ARFGEF3: variants seen among roughly 807,000 people sequenced by gnomAD.
ARFGEF3 encodes ARFGEF family member 3.
ARFGEF3 carries 96 observed loss-of-function variants against 221.7 expected under a neutral mutation model. That is an observed-to-expected ratio of 0.43 (90% confidence interval 0.37 to 0.51). The LOEUF is 0.51. Among genes scored for constraint, ARFGEF3 ranks in the 20% least tolerant of loss-of-function variants. The pLI, the probability that ARFGEF3 is intolerant of heterozygous loss-of-function variation, is 0.00. For missense variants in ARFGEF3, 2,410 were observed against 2,789.9 expected (o/e 0.86, Z 3.07); for synonymous variants, 1,145 against 1,126.8 (o/e 1.02, Z -0.32).
intron 2 of ARFGEF3, among the ~76,000 whole-genome samples, chr6:138,190,518 T>C (rs997238203): frequency 6.6e-6 from 1 of 152,210 alleles, no homozygotes; most frequent in Non-Finnish European, 1.5e-5. Context: ...TGCCATGTAT[T>C]TAAACTAGTC....
At chr6:138,209,488 C>G (rs1254333111) in intron 3 of ARFGEF3, among the ~76,000 whole-genome samples, 1 of 152,210 alleles carries the variant, frequency 6.6e-6, no homozygotes, top group Non-Finnish European at 1.5e-5. Flanking sequence ...CTTGCTCTGT[C>G]TCCCAGGCTG....
In ARFGEF3 at chr6:138,292,018, CA is replaced by C; in HGVS notation, c.3335del (p.Lys1112ArgfsTer21). The C allele has an allele frequency of 6.6e-7, 1 of 1,514,002 alleles. No homozygotes were observed. Among genetic ancestry groups the C allele is most frequent in the African/African-American group, 1.4e-5 (1 of 70,960 alleles). The allele number at this position is 1,514,002 out of a possible 1,614,324, so 93.8% of individuals were successfully genotyped here. ...GSLMSGSSAA[K>X]VVLTLSTQAD... Reference sequence around the variant, plus strand: ...GCCTCATGAGCGGGAGCAGCGCGGCCAAGGTGGTGCTCACCCTCTCCACGCA... The same window carrying C: ...GCCTCATGAGCGGGAGCAGCGCGGCCAGGTGGTGCTCACCCTCTCCACGCA... On this transcript the variant is annotated frameshift_variant, in exon 19 of 34. Coordinates refer to ENST00000251691, the MANE Select transcript of ARFGEF3 (RefSeq NM_020340.5). LOFTEE classifies it high-confidence loss of function.
rs1780019290 is a variant in ARFGEF3 at position 138,321,099 on chromosome 6, T to C, written c.4652-12T>C. 1 of 1,492,520 alleles carries C rather than the reference T, an allele frequency of 6.7e-7. No homozygotes were observed. 92.5% of individuals were successfully genotyped at this position (1,492,520 alleles called of 1,614,324 possible). A position where few individuals can be genotyped will look rare whatever the true frequency, so the allele number is the denominator to read the frequency against. On this transcript the variant is annotated splice_polypyrimidine_tract_variant and intron_variant, in intron 28 of 33. Transcript: ENST00000251691. Reference sequence around the variant, plus strand: ...GAGCTGTGTGAAACTGTGATTTTGCTGTTTCCCATAGATATCAGGTACGAG... The same window carrying C: ...GAGCTGTGTGAAACTGTGATTTTGCCGTTTCCCATAGATATCAGGTACGAG...
chr6:138,206,985 C>T (rs2114493479), intron 2 of ARFGEF3, 57 bp from the exon 3 acceptor site: 1 of 1,415,508 alleles, frequency 7.1e-7, no homozygotes, highest in Admixed American at 1.9e-5. Flanking sequence ...AGGCTTACAT[C>T]ACTTGACTGC....
chr6:138,212,586 T>C (rs1777751125), intron 4 of ARFGEF3, among the ~76,000 whole-genome samples: 1 of 152,222 alleles, frequency 6.6e-6, no homozygotes, highest in African/African-American at 2.4e-5. Flanking sequence ...CATATGTTTA[T>C]TGCGGCACTA....
At chr6:138,248,561 G>A (rs953530069) in intron 8 of ARFGEF3, among the ~76,000 whole-genome samples, 3 of 152,178 alleles carry the variant, frequency 2.0e-5, no homozygotes, top group African/African-American at 4.8e-5. Flanking sequence ...CTAGAAACGT[G>A]GGAGAGGCTC....
At chr6:138,219,186 G>A in intron 4 of ARFGEF3, among the ~76,000 whole-genome samples, 1 of 152,192 alleles carries the variant, frequency 6.6e-6, no homozygotes, top group East Asian at 1.9e-4. Context: ...TTAAGGAGGG[G>A]ATACTATTTG....
intron 1 of ARFGEF3, among the ~76,000 whole-genome samples, chr6:138,165,160 C>G (rs1201913695): frequency 6.6e-6 from 1 of 150,918 alleles, no homozygotes; most frequent in Non-Finnish European, 1.5e-5. Flanking sequence ...CGTCTGAGAC[C>G]CTCATGAGAG....
Position 138,291,090 on chromosome 6 carries a change from C to T in ARFGEF3, c.3048-643C>T, listed in dbSNP as rs1779395246. 6.6e-6 allele frequency among the ~76,000 whole-genome samples: 1 copy of T among 152,156 alleles called. No homozygotes were observed. The highest frequency in any genetic ancestry group is 1.5e-5 in the Non-Finnish European group (1 of 68,020). ...GATGAGGGACCTTGCGAACCATCTT[C>T]GTCCCAGGTTCTGTTGGGAACAAAC... On this transcript the variant is annotated intron_variant, in intron 18 of 33. Coordinates refer to ENST00000251691, the MANE Select transcript of ARFGEF3 (RefSeq NM_020340.5). The surrounding 1 kb of genome is among the most constrained non-coding windows in gnomAD (Gnocchi z 4.5).
chr6:138,334,469 A>C lies in ARFGEF3; in HGVS notation c.5623A>C (p.Lys1875Gln). 1.9e-6 allele frequency: 3 copies of C among 1,612,492 alleles called. No individual in the cohort carries two copies. Among genetic ancestry groups the C allele is most frequent in the Non-Finnish European group, 2.5e-6 (3 of 1,179,486 alleles). Residue 1875 changes from lysine (K) to glutamine (Q), a missense_variant, in exon 33 of 34, where the codon AAG (lysine) becomes CAG (glutamine). Physicochemically the swap from Lys to Gln is moderately conservative, Grantham distance 53. Coordinates refer to ENST00000251691, the MANE Select transcript of ARFGEF3 (RefSeq NM_020340.5). The surrounding 1 kb of genome is among the most constrained non-coding windows in gnomAD (Gnocchi z 5.1). ...CGCCCAGGTCAGCCCCCCGAGAGGC[A>C]AGGAGAAGAGACAGTGGCGGGCACG... ...ETAQVSPPRG[K>Q]EKRQWRARMP...
At chr6:138,210,162 G>A (rs894379509) in intron 4 of ARFGEF3, 121 bp downstream of exon 4, 37 of 951,564 alleles carry the variant, frequency 3.9e-5, no homozygotes, top group African/African-American at 4.9e-5. Context: ...CATTTGGAAC[G>A]GATGCTTGTT....
At chr6:138,207,154 T>C (rs373449274) in intron 3 of ARFGEF3, 31 bp downstream of exon 3, 10 of 1,570,438 alleles carry the variant, frequency 6.4e-6, no homozygotes, top group Non-Finnish European at 8.7e-6. Flanking sequence ...AATGGGATGA[T>C]AGAAATTGAC....
chr6:138,217,227 T>C (rs1777884709), intron 4 of ARFGEF3: 6 of 152,252 alleles, frequency 3.9e-5, no homozygotes, highest in Admixed American at 3.9e-4. Flanking sequence ...TTTAAACTTT[T>C]CTCACATAAT....
intron 22 of ARFGEF3, 145 bp from the exon 23 acceptor site, chr6:138,307,106 ATT>A: frequency 1.3e-6 from 1 of 748,324 alleles, no homozygotes; most frequent in Non-Finnish European, 2.1e-6. Context: ...TATTCAGAAG[ATT>A]TTTGAGTGAG....
At chr6:138,283,621 C>A (rs1779235472) in intron 14 of ARFGEF3, among the ~76,000 whole-genome samples, 1 of 152,204 alleles carries the variant, frequency 6.6e-6, no homozygotes, top group Non-Finnish European at 1.5e-5. Flanking sequence ...TGCCAGCAAT[C>A]TGATGATCAG....
intron 13 of ARFGEF3, among the ~76,000 whole-genome samples, chr6:138,279,527 G>A (rs1181278332): frequency 1.3e-5 from 2 of 152,208 alleles, no homozygotes; most frequent in Admixed American, 1.3e-4. Flanking sequence ...TAAATCCATG[G>A]ATCTACATGA....
chr6:138,243,144 C>T (rs1228542511), intron 7 of ARFGEF3, 150 bp downstream of exon 7: 2 of 680,518 alleles, frequency 2.9e-6, no homozygotes, highest in African/African-American at 3.6e-5. Flanking sequence ...CCTTAGGTGG[C>T]ATTATTTAAT....
rs201869171 is a variant in ARFGEF3, at chr6:138,286,785, C to T, written c.2654C>T (p.Ala885Val). 109 of 1,613,920 alleles carry T rather than the reference C, an allele frequency of 6.8e-5. No individual in the cohort carries two copies. Among genetic ancestry groups the T allele is most frequent in the Non-Finnish European group, 7.9e-5 (93 of 1,179,896 alleles). ...TLSTPLTGRM[A>V]GSSKGLAFIL... ...TCAACCCCACTGACTGGTCGAATGG[C>T]GGGGAGCTCCAAAGGGCTGGCCTTC... The change falls in exon 16 of 34, where the codon GCG becomes GTG. Residue 885 changes from alanine to valine, a missense_variant. Ala to Val is a moderately conservative substitution (Grantham distance 64, BLOSUM62 0). Transcript: ENST00000251691.
At chr6:138,214,077 T>C (rs1777787524) in intron 4 of ARFGEF3, among the ~76,000 whole-genome samples, 1 of 152,224 alleles carries the variant, frequency 6.6e-6, no homozygotes, top group South Asian at 2.1e-4. Context: ...CTATATCAAC[T>C]TTTTAATAAT....
Sources: gnomAD v4.1 joint callset for allele counts (sites outside exome capture counted in the v4.1 genomes callset) on GRCh38, gnomAD v4.1.1 for gene constraint, Gnocchi (gnomAD v3.1) non-coding constraint, MANE v1.5 for transcripts, NCBI Gene and HGNC (gene_info 2026-07-23, HGNC 2026-07-21) for gene names.